PCDH9: variants seen among roughly 807,000 people sequenced by gnomAD.
PCDH9 encodes protocadherin-9.
Under a neutral mutation model 70.6 loss-of-function variants are expected in PCDH9, and 24 were observed. That is an observed-to-expected ratio of 0.34 (90% CI 0.25 to 0.48). The LOEUF (loss-of-function observed/expected upper bound fraction) is 0.48, where lower values mean the gene tolerates loss of function less well. Ranked by LOEUF, PCDH9 falls within the 20% of genes least tolerant of loss-of-function variation. PCDH9 has a pLI of 0.99. For synonymous variants in PCDH9, 562 were observed against 558.5 expected, an observed-to-expected ratio of 1.01 and a Z score of -0.09; for missense variants, 1,281 against 1,503.6, an observed-to-expected ratio of 0.85 and a Z score of 2.45.
intron 4 of PCDH9, among the ~76,000 whole-genome samples, chr13:66,507,755 T>A (rs1959255140): frequency 6.6e-6 from 1 of 152,082 alleles, no homozygotes; most frequent in South Asian, 2.1e-4. Context: ...GGTGTCTTGC[T>A]CTGGCGCCCA....
chr13:66,439,860 G>C (rs918843601), intron 4 of PCDH9, among the ~76,000 whole-genome samples: 1 of 152,084 alleles, frequency 6.6e-6, no homozygotes, highest in African/African-American at 2.4e-5. Context: ...AGTTGCCACA[G>C]CACCTTTCTG....
At chr13:66,315,573 C>T (rs1383331617) in intron 4 of PCDH9, among the ~76,000 whole-genome samples, 1 of 152,130 alleles carries the variant, frequency 6.6e-6, no homozygotes, top group Non-Finnish European at 1.5e-5. Flanking sequence ...GCTCTGTTCC[C>T]CAGGTTCAAG....
At chr13:66,869,841 T>C (rs912455233) in intron 3 of PCDH9, among the ~76,000 whole-genome samples, 4 of 152,126 alleles carry the variant, frequency 2.6e-5, no homozygotes, top group African/African-American at 9.7e-5. Context: ...GCTAAAAGAC[T>C]GGGATTAGAG....
At chr13:66,973,678 G>GA (rs2083564232) in intron 2 of PCDH9, among the ~76,000 whole-genome samples, 1 of 152,014 alleles carries the variant, frequency 6.6e-6, no homozygotes, top group Non-Finnish European at 1.5e-5. Context: ...AACCTTGGGT[G>GA]AAAGTCATCA....
intron 2 of PCDH9, among the ~76,000 whole-genome samples, chr13:67,057,431 C>T (rs1258566947): frequency 6.6e-6 from 1 of 151,702 alleles, no homozygotes; most frequent in Non-Finnish European, 1.5e-5. Flanking sequence ...TAACGCGCCT[C>T]GGATTTCCTA....
At chr13:66,786,886 G>T (rs1041625363) in intron 3 of PCDH9, among the ~76,000 whole-genome samples, 2 of 152,204 alleles carry the variant, frequency 1.3e-5, no homozygotes, top group Admixed American at 1.3e-4. Context: ...TTAAGGAGAA[G>T]AAAAAATAAA....
intron 4 of PCDH9, among the ~76,000 whole-genome samples, chr13:66,382,834 T>A (rs1956870612): frequency 6.6e-6 from 1 of 152,056 alleles, no homozygotes; most frequent in Non-Finnish European, 1.5e-5. Context: ...AGGTCAAGAC[T>A]AGCCTGGCCA....
chr13:66,480,458 AT>A (rs948194826), intron 4 of PCDH9, among the ~76,000 whole-genome samples: 13 of 152,348 alleles, frequency 8.5e-5, no homozygotes, highest in African/African-American at 3.1e-4. Flanking sequence ...TTTGATTTCA[AT>A]TTTTAAAGAA....
At position 67,113,087 on chromosome 13, in the gene PCDH9, T is replaced by TATCAC. The variant is rs762111730; in HGVS notation, c.3036+112313_3036+112317dup. On this transcript the variant is annotated intron_variant, in intron 2 of 4. Coordinates refer to ENST00000377865, the MANE Select transcript of PCDH9 (RefSeq NM_203487.3). Reference sequence around the variant, plus strand: ...ATATTTGACTTTTCAGTTAAAATCATATCACTGACCTTGGTGGAATCTTAT... The same window carrying TATCAC: ...ATATTTGACTTTTCAGTTAAAATCATATCACATCACTGACCTTGGTGGAATCTTAT... Among the ~76,000 whole-genome samples the TATCAC allele has an allele frequency of 8.5e-5, 13 of 152,332 alleles. No homozygotes were observed. In the South Asian group the frequency reaches 1.4e-3, roughly 17 times the overall value.
At chr13:66,806,159 T>C (rs147148471) in intron 3 of PCDH9, among the ~76,000 whole-genome samples, 2,715 of 152,314 alleles carry the variant, frequency 0.018, 30 homozygotes, top group Non-Finnish European at 0.025. Context: ...TATGAATGTG[T>C]AAACCTTCCA....
chr13:66,703,261 C>T (rs2078670221), intron 3 of PCDH9, among the ~76,000 whole-genome samples: 1 of 152,154 alleles, frequency 6.6e-6, no homozygotes, highest in African/African-American at 2.4e-5. Flanking sequence ...TACACTTAAG[C>T]CAAATACTTT....
At chr13:67,090,173 G>A (rs2086189615) in intron 2 of PCDH9, among the ~76,000 whole-genome samples, 1 of 151,988 alleles carries the variant, frequency 6.6e-6, no homozygotes, top group African/African-American at 2.4e-5. Flanking sequence ...GAAGACTACA[G>A]TTGAACAAAA....
chr13:66,984,571 T>C (rs2083849626), intron 2 of PCDH9, among the ~76,000 whole-genome samples: 1 of 152,128 alleles, frequency 6.6e-6, no homozygotes, highest in Admixed American at 6.6e-5. Context: ...AGGGAAATAT[T>C]TGGATCTGAT....
intron 3 of PCDH9, among the ~76,000 whole-genome samples, chr13:66,680,360 G>T (rs902884331): frequency 2.6e-5 from 4 of 151,902 alleles, no homozygotes; most frequent in Admixed American, 2.0e-4. Flanking sequence ...TTCCAGTATA[G>T]AATGAAATCA....
At chr13:66,541,692 A>G (rs947355150) in intron 4 of PCDH9, among the ~76,000 whole-genome samples, 3 of 152,098 alleles carry the variant, frequency 2.0e-5, no homozygotes, top group African/African-American at 7.2e-5. Context: ...GTGTAACCTC[A>G]TCTTAACCAA....
intron 2 of PCDH9, among the ~76,000 whole-genome samples, chr13:66,921,350 T>TA (rs1328672416): frequency 1.3e-5 from 2 of 151,170 alleles, no homozygotes; most frequent in Admixed American, 6.6e-5. Flanking sequence ...AGGGTATTTT[T>TA]AAAAAACCGA....
chr13:66,478,748 T>G (rs1290770368), intron 4 of PCDH9, among the ~76,000 whole-genome samples: 3 of 152,208 alleles, frequency 2.0e-5, no homozygotes, highest in Non-Finnish European at 4.4e-5. Context: ...TAGCAAGTAT[T>G]TGCTCATGAG....
chr13:67,150,264 C>T (rs2087625573), intron 2 of PCDH9, among the ~76,000 whole-genome samples: 3 of 152,152 alleles, frequency 2.0e-5, no homozygotes, highest in East Asian at 1.9e-4. Context: ...CTCGAACTCC[C>T]GACCTCAAGT....
intron 3 of PCDH9, among the ~76,000 whole-genome samples, chr13:66,703,424 G>C (rs2078672380): frequency 6.6e-6 from 1 of 152,120 alleles, no homozygotes; most frequent in South Asian, 2.1e-4. Context: ...CTGACCTAAT[G>C]AACTTTAGTT....
Sources: gnomAD v4.1 joint callset for allele counts (sites outside exome capture counted in the v4.1 genomes callset) on GRCh38, gnomAD v4.1.1 for gene constraint, MANE v1.5 for transcripts, NCBI Gene and HGNC (gene_info 2026-07-23, HGNC 2026-07-21) for gene names.